The following TMEM181 variants were observed in gnomAD, a reference collection of about 807,000 sequenced individuals.
TMEM181 encodes the protein transmembrane protein 181, also known as G protein-coupled receptor 178.
TMEM181 carries 39 observed loss-of-function variants against 71.9 expected under a neutral mutation model. That is an observed-to-expected ratio of 0.54 (90% CI 0.42 to 0.71). TMEM181 has a LOEUF of 0.71. Ranked by LOEUF, TMEM181 falls within the 30% of genes least tolerant of loss-of-function variation. The pLI is 0.00. For synonymous variants in TMEM181, 245 were observed against 228.8 expected (o/e 1.07, Z -0.64); for missense variants, 595 against 583.0 (o/e 1.02, Z -0.21).
intron 8 of TMEM181, 113 bp from the exon 9 acceptor site, chr6:158,608,220 C>T: frequency 2.7e-6 from 2 of 747,078 alleles, no homozygotes; most frequent in Non-Finnish European, 3.6e-6. Flanking sequence ...GCTGACCCCG[C>T]AGAGGTATGG....
chr6:158,568,668 G>A (rs1782647217), intron 1 of TMEM181, among the ~76,000 whole-genome samples: 1 of 152,208 alleles, frequency 6.6e-6, no homozygotes, highest in Admixed American at 6.5e-5. Context: ...CACTGGTCTA[G>A]GTTGGCATGG....
chr6:158,622,725 C>A (rs1278454131), intron 10 of TMEM181, among the ~76,000 whole-genome samples: 1 of 152,162 alleles, frequency 6.6e-6, no homozygotes, highest in Non-Finnish European at 1.5e-5. Context: ...TTCGTTTTTG[C>A]TTAAATGAGT....
intron 10 of TMEM181, chr6:158,610,581 C>A: frequency 2.3e-6 from 1 of 425,566 alleles, no homozygotes. Flanking sequence ...AGAGGCATCT[C>A]CTCTTGGAAT....
intron 5 of TMEM181, among the ~76,000 whole-genome samples, chr6:158,586,171 G>A (rs1195825954): frequency 6.6e-6 from 1 of 152,192 alleles, no homozygotes; most frequent in Non-Finnish European, 1.5e-5. Context: ...CCACAGTGGG[G>A]AATGAGCCCT....
chr6:158,623,440 AAGT>A (rs1786088912), intron 10 of TMEM181, 107 bp from the exon 11 acceptor site: 2 of 625,244 alleles, frequency 3.2e-6, no homozygotes, highest in South Asian at 4.9e-5. Flanking sequence ...TGTTGGTAGG[AAGT>A]AGTTTATATT....
intron 1 of TMEM181, among the ~76,000 whole-genome samples, chr6:158,541,563 A>G (rs1442958963): frequency 6.6e-6 from 1 of 152,222 alleles, no homozygotes; most frequent in Admixed American, 6.5e-5. Context: ...CCCTCTCCCC[A>G]CACAAAGCTC....
At position 158,634,045 on chromosome 6, in the gene TMEM181, G is replaced by A. The variant is rs1786805951; in HGVS notation, c.*2157G>A. 6.6e-6 allele frequency: 1 copy of A among 152,078 alleles called. No homozygotes were observed. Among genetic ancestry groups the A allele is most frequent in the Non-Finnish European group, 1.5e-5 (1 of 68,018 alleles). 9.4% of individuals were successfully genotyped at this position (152,078 alleles called of 1,614,324 possible). ...GAACTTTTTAAAACTTTGTCCTATA[G>A]TGTAATTATAAACTGATGACTATTA... On this transcript the variant is annotated 3_prime_UTR_variant, in exon 17 of 17. Transcript: ENST00000684151.
intron 1 of TMEM181, among the ~76,000 whole-genome samples, chr6:158,570,939 A>C (rs1293916804): frequency 6.7e-6 from 1 of 149,120 alleles, no homozygotes; most frequent in Non-Finnish European, 1.5e-5. Context: ...TTTGAGATGG[A>C]GTCTCGCTCT....
At chr6:158,560,027 C>G (rs1306137198), upstream of TMEM181, 1 of 984,542 alleles carries the variant, frequency 1.0e-6, no homozygotes, top group African/African-American at 1.7e-5. Context: ...GCTTCCACCG[C>G]GCCGCGCCCT....
chr6:158,565,922 T>C (rs1782465984), intron 1 of TMEM181, among the ~76,000 whole-genome samples: 1 of 152,234 alleles, frequency 6.6e-6, no homozygotes, highest in South Asian at 2.1e-4. Context: ...ATGCCTGCTG[T>C]CTTGCGTTCT....
chr6:158,555,958 T>G (rs1025749659), upstream of TMEM181, among the ~76,000 whole-genome samples: 10 of 152,168 alleles, frequency 6.6e-5, no homozygotes, highest in African/African-American at 2.2e-4. Context: ...GTCACAAGCT[T>G]TAACTCAGCA....
chr6:158,624,947 T>TG (rs893765046), intron 11 of TMEM181, among the ~76,000 whole-genome samples, 157 bp from the exon 12 acceptor site: 1 of 152,200 alleles, frequency 6.6e-6, no homozygotes, highest in African/African-American at 2.4e-5. Flanking sequence ...ACTGAGCAGA[T>TG]GGTCCCGGCT....
chr6:158,602,231 G>A (rs955891818), intron 6 of TMEM181, among the ~76,000 whole-genome samples: 1 of 152,210 alleles, frequency 6.6e-6, no homozygotes, highest in Non-Finnish European at 1.5e-5. Flanking sequence ...TCGATGATGA[G>A]TGTGTCCATA....
intron 10 of TMEM181, among the ~76,000 whole-genome samples, chr6:158,618,635 G>T (rs954221848): frequency 2.0e-5 from 3 of 152,204 alleles, no homozygotes; most frequent in African/African-American, 7.2e-5. Flanking sequence ...TGGTACCGTT[G>T]TTCCTTTCCA....
chr6:158,625,864 T>C, intron 13 of TMEM181, 110 bp downstream of exon 13: 1 of 987,018 alleles, frequency 1.0e-6, no homozygotes, highest in East Asian at 2.5e-5. Flanking sequence ...TCTAGCCCAG[T>C]AGACTCATGA....
At chr6:158,601,690 C>T (rs1332426678) in intron 6 of TMEM181, among the ~76,000 whole-genome samples, 3 of 148,668 alleles carry the variant, frequency 2.0e-5, no homozygotes, top group African/African-American at 5.0e-5. Context: ...ACCTGGGAGA[C>T]GGAGGTTGCA....
chr6:158,601,627 C>T (rs972443914), intron 6 of TMEM181, among the ~76,000 whole-genome samples: 1 of 151,950 alleles, frequency 6.6e-6, no homozygotes, highest in African/African-American at 2.4e-5. Flanking sequence ...AGAGTGGTGG[C>T]GTGCACCTGT....
intron 10 of TMEM181, chr6:158,610,102 C>T (rs948944877): frequency 1.8e-5 from 4 of 220,356 alleles, no homozygotes; most frequent in African/African-American, 6.9e-5. Context: ...GGCAGAGGAT[C>T]ACCAAAGCTT....
intron 1 of TMEM181, among the ~76,000 whole-genome samples, chr6:158,540,097 C>T (rs1463249851): frequency 6.6e-6 from 1 of 152,162 alleles, no homozygotes; most frequent in Non-Finnish European, 1.5e-5. Flanking sequence ...TGCTGATAAT[C>T]ATTTGGGCTA....
Sources: gnomAD v4.1 joint callset for allele counts (sites outside exome capture counted in the v4.1 genomes callset) on GRCh38, gnomAD v4.1.1 for gene constraint, MANE v1.5 for transcripts, NCBI Gene and HGNC (gene_info 2026-07-23, HGNC 2026-07-21) for gene names.